Variants in SF3A2 observed in about 807,000 individuals in gnomAD.
The protein encoded by SF3A2 is splicing factor 3a subunit 2.
SF3A2 carries 5 observed loss-of-function variants against 31.1 expected under a neutral mutation model. That is an observed-to-expected ratio of 0.16 (90% CI 0.08 to 0.34). The LOEUF (loss-of-function observed/expected upper bound fraction) is 0.34, where lower values mean the gene tolerates loss of function less well. Ranked by LOEUF, SF3A2 falls within the 10% of genes least tolerant of loss-of-function variation. The pLI, the probability that SF3A2 is intolerant of heterozygous loss-of-function variation, is 1.00. For synonymous variants in SF3A2, 365 were observed against 263.7 expected, an observed-to-expected ratio of 1.38 and a Z score of -3.72; for missense variants, 577 against 643.9, an observed-to-expected ratio of 0.90 and a Z score of 1.13.
rs766847734 is a variant in SF3A2 at position 2,247,938 on chromosome 19, C to A, written c.787C>A (p.Pro263Thr). 1 of 1,495,924 alleles carries A rather than the reference C, an allele frequency of 6.7e-7. No individual in the cohort carries two copies. The highest frequency in any genetic ancestry group is 1.1e-5 in the South Asian group (1 of 87,644). The allele number at this position is 1,495,924 out of a possible 1,614,324, so 92.7% of individuals were successfully genotyped here. The change falls in exon 9 of 9, where the codon CCC becomes ACC. Residue 263 changes from proline (P) to threonine (T), a missense_variant. Around this residue, in one of 6 missense-constraint regions of SF3A2, gnomAD observed 462 missense variants for 339.1 expected, o/e 1.36. Transcript: ENST00000221494. ...CCCGCCAGGAGGCCTGCCTCTGCCA[C>A]CCATGCCCCCCACAGGGCCTGCGCC... ...PPPPGGLPLP[P>T]MPPTGPAPSG... is the part of the protein sequence containing the mutation.
At chr19:2,244,430 C>A in intron 2 of SF3A2, 114 bp from the exon 3 acceptor site, 2 of 800,690 alleles carry the variant, frequency 2.5e-6, no homozygotes, top group South Asian at 1.5e-5. Context: ...CATGCCTCTA[C>A]AGAAGGGGGG....
chr19:2,240,996 G>T (rs182325298), intron 1 of SF3A2, among the ~76,000 whole-genome samples: 1 of 152,276 alleles, frequency 6.6e-6, no homozygotes, highest in East Asian at 1.9e-4. Context: ...AGAAGCTGCC[G>T]GCCATGAGGA....
At position 2,243,541 on chromosome 19, in the gene SF3A2, C is replaced by G; in HGVS notation, c.123C>G (p.Asn41Lys). ...RQLALETIDI[N>K]KDPYFMKNHL... ...TGGCCCTGGAGACCATCGACATCAA[C>G]AAGGTGGGCCAGCCACCGTGCAGCT... Residue 41 changes from asparagine (N) to lysine (K), a missense_variant, in exon 2 of 9, where the codon AAC becomes AAG. Physicochemically the swap from Asn to Lys is moderately conservative, Grantham distance 94 (BLOSUM62 0). This residue lies in a region of SF3A2 where 17 missense variants were observed against 113.8 expected (regional missense o/e 0.15). Transcript: ENST00000221494. 1.3e-6 allele frequency: 2 copies of G among 1,544,538 alleles called. No homozygotes were observed. Among genetic ancestry groups the G allele is most frequent in the Non-Finnish European group, 1.7e-6 (2 of 1,153,688 alleles).
chr19:2,239,970 C>T (rs928808775), intron 1 of SF3A2, among the ~76,000 whole-genome samples: 21 of 152,164 alleles, frequency 1.4e-4, no homozygotes, highest in South Asian at 2.1e-4. Context: ...CTGGGATACC[C>T]ATCAGTCTCT....
Position 2,247,587 on chromosome 19 carries a change from C to G in SF3A2, c.547-7C>G, listed in dbSNP as rs1269859328. ...CCAGGAGCCCTCTCTGTCCCCCGCCCTCCCAGGTGCCGAGCAGAGAGATCG... is the reference window on the plus strand; with the variant it reads ...CCAGGAGCCCTCTCTGTCCCCCGCCGTCCCAGGTGCCGAGCAGAGAGATCG... On this transcript the variant is annotated splice_region_variant and splice_polypyrimidine_tract_variant and intron_variant, in intron 7 of 8. Transcript: ENST00000221494. 1.2e-6 allele frequency: 2 copies of G among 1,613,060 alleles called. No individual in the cohort carries two copies. The highest frequency in any genetic ancestry group is 2.7e-5 in the African/African-American group (2 of 74,878).
chr19:2,247,458 C>G (rs948140541), intron 7 of SF3A2, 136 bp from the exon 8 acceptor site: 1 of 804,622 alleles, frequency 1.2e-6, no homozygotes, highest in African/African-American at 1.7e-5. Flanking sequence ...CTGTGCCCCA[C>G]GAAAGTCTTA....
chr19:2,245,316 C>T lies in SF3A2; in HGVS notation c.246-130C>T. ...CTCAGCCAAACCCCAGGGCCCCTCC[C>T]AGGCCCCTGGCCCTCCTCATCTCTC... is the stretch of plus-strand genomic sequence containing the variant. On this transcript the variant is annotated intron_variant, in intron 4 of 8. Transcript: ENST00000221494. The surrounding 1 kb of genome is among the most constrained non-coding windows in gnomAD (Gnocchi z 4.2). 1 of 660,532 alleles carries T rather than the reference C, an allele frequency of 1.5e-6. No homozygotes were observed. Among genetic ancestry groups the T allele is most frequent in the Admixed American group, 2.8e-5 (1 of 35,382 alleles). 40.9% of individuals were successfully genotyped at this position (660,532 alleles called of 1,614,324 possible). A position where few individuals can be genotyped will look rare whatever the true frequency, so the allele number is the denominator to read the frequency against.
chr19:2,247,749 C>T lies in SF3A2; in HGVS notation c.616-18C>T, dbSNP rs775210441. ...CTAGCCCCACCCGTGCCTGCTGAAC[C>T]TTTCTCCGTCTCTCTAGTTCTTCCT... On this transcript the variant is annotated intron_variant, in intron 8 of 8. Coordinates refer to ENST00000221494, the MANE Select transcript of SF3A2 (RefSeq NM_007165.5). 5 of 1,612,032 alleles carry T rather than the reference C, an allele frequency of 3.1e-6. No individual in the cohort carries two copies. Among genetic ancestry groups the T allele is most frequent in the Admixed American group, 3.3e-5 (2 of 59,948 alleles).
intron 1 of SF3A2, among the ~76,000 whole-genome samples, chr19:2,243,112 T>G (rs2145010860): frequency 6.6e-6 from 1 of 152,304 alleles, no homozygotes; most frequent in South Asian, 2.1e-4. Flanking sequence ...CACCCTGGGC[T>G]GGAGCGGCTT....
At chr19:2,238,022 G>C (rs1000622553) in intron 1 of SF3A2, 1 of 152,282 alleles carries the variant, frequency 6.6e-6, no homozygotes, top group South Asian at 2.1e-4. Flanking sequence ...GTCGTCATCG[G>C]TTTTTTGTTT....
chr19:2,240,474 G>A (rs942661624), intron 1 of SF3A2, among the ~76,000 whole-genome samples: 1 of 152,346 alleles, frequency 6.6e-6, no homozygotes, highest in South Asian at 2.1e-4. Context: ...GTGGGTGTTC[G>A]GTGGCTGCGA....
chr19:2,248,626 T>G lies in SF3A2; in HGVS notation c.*80T>G. 2 of 386,852 alleles carry G rather than the reference T, an allele frequency of 5.2e-6. No individual in the cohort carries two copies. Among genetic ancestry groups the G allele is most frequent in the East Asian group, 4.2e-5 (1 of 23,920 alleles). 24.0% of individuals were successfully genotyped at this position (386,852 alleles called of 1,614,324 possible). A position where few individuals can be genotyped will look rare whatever the true frequency, so the allele number is the denominator to read the frequency against. ...CTGAGAGAAGGCTGCTCTTTTGTAC[T>G]GCCCCCCGCTCATTAAACAGCCTCC... On this transcript the variant is annotated 3_prime_UTR_variant, in exon 9 of 9. Coordinates refer to ENST00000221494, the MANE Select transcript of SF3A2 (RefSeq NM_007165.5).
chr19:2,243,491 G>T lies in SF3A2; in HGVS notation c.73G>T (p.Asp25Tyr). ...GVASSSESNR[D>Y]RRERLRQLAL... ...GGCCTCCTCCTCCGAGAGCAACCGT[G>T]ACCGCAGGGAGCGCCTCCGGCAGCT... The change falls in exon 2 of 9, where the codon GAC (aspartate) becomes TAC (tyrosine). Residue 25 changes from aspartate (D) to tyrosine (Y), a missense_variant. By Grantham distance (160) the Asp-to-Tyr change is radical. Coordinates refer to ENST00000221494, the MANE Select transcript of SF3A2 (RefSeq NM_007165.5). 1 of 1,551,044 alleles carries T rather than the reference G, an allele frequency of 6.4e-7. No homozygotes were observed. Among genetic ancestry groups the T allele is most frequent in the South Asian group, 1.2e-5 (1 of 82,778 alleles).
Position 2,245,598 on chromosome 19 carries a change from A to G in SF3A2, c.355+43A>G. 1.4e-6 allele frequency: 2 copies of G among 1,387,144 alleles called. No individual in the cohort carries two copies. Among genetic ancestry groups the G allele is most frequent in the Non-Finnish European group, 2.0e-6 (2 of 997,646 alleles). 85.9% of individuals were successfully genotyped at this position (1,387,144 alleles called of 1,614,324 possible). A position where few individuals can be genotyped will look rare whatever the true frequency, so the allele number is the denominator to read the frequency against. On this transcript the variant is annotated intron_variant, in intron 5 of 8. Transcript: ENST00000221494. This position sits in a 1 kb window ranked among gnomAD's most constrained non-coding sequence, Gnocchi z 4.2. The stretch of plus-strand genomic sequence containing the variant: ...GGGGCCGGCCACAGCCGCTGCCGTG[A>G]CATAAGTGTGTTCTTTAGTCTCCAG...
At position 2,248,511 on chromosome 19, in the gene SF3A2, C is replaced by T. The variant is rs758652966; in HGVS notation, c.1360C>T (p.Pro454Ser). ...MLRPPLPSEG[P>S]GNIPPPPPTN The stretch of plus-strand genomic sequence containing the variant: ...GAGGCCCCCACTTCCCTCCGAAGGC[C>T]CAGGGAACATACCTCCCCCTCCCCC... The change falls in exon 9 of 9, where the codon CCA becomes TCA. Residue 454 changes from proline (P) to serine (S), a missense_variant. By Grantham distance (74) the Pro-to-Ser change is moderately conservative. Coordinates refer to ENST00000221494, the MANE Select transcript of SF3A2 (RefSeq NM_007165.5). 1.7e-6 allele frequency: 2 copies of T among 1,204,790 alleles called. No homozygotes were observed. The highest frequency in any genetic ancestry group is 2.2e-6 in the Non-Finnish European group (2 of 923,394). The allele number at this position is 1,204,790 out of a possible 1,614,324, so 74.6% of individuals were successfully genotyped here.
chr19:2,247,191 C>A, intron 7 of SF3A2, 169 bp downstream of exon 7: 1 of 589,122 alleles, frequency 1.7e-6, no homozygotes. Context: ...TCCCATTGGG[C>A]TCTGCAGGAG....
At position 2,242,811 on chromosome 19, in the gene SF3A2, C is replaced by T. The variant is rs527956849; in HGVS notation, c.-37-571C>T. ...GTTGGGGACTCAGCAGAGCCCCCTG[C>T]GCCACAAGCAGATGTGGCAGATCTC... is the stretch of plus-strand genomic sequence containing the variant. On this transcript the variant is annotated intron_variant, in intron 1 of 8. Transcript: ENST00000221494. Among the ~76,000 whole-genome samples the T allele has an allele frequency of 1.6e-4, 24 of 152,212 alleles. 1 individual carries two copies. The highest frequency in any genetic ancestry group is 4.3e-4 in the African/African-American group (18 of 41,516).
At chr19:2,247,515 T>A in intron 7 of SF3A2, 79 bp from the exon 8 acceptor site, 1 of 1,444,818 alleles carries the variant, frequency 6.9e-7, no homozygotes, top group African/African-American at 1.4e-5. Context: ...CTGGGGAGGC[T>A]AGTGCCTCGG....
chr19:2,244,750 T>C lies in SF3A2; in HGVS notation c.216T>C (p.His72=), dbSNP rs745323669. The C allele has an allele frequency of 1.2e-6, 2 of 1,613,996 alleles. No individual in the cohort carries two copies. The highest frequency in any genetic ancestry group is 1.1e-5 in the South Asian group (1 of 91,076). The change falls in exon 4 of 9, where the codon CAT becomes CAC. Residue 72 remains histidine, a synonymous_variant. Coordinates refer to ENST00000221494, the MANE Select transcript of SF3A2 (RefSeq NM_007165.5). Reference sequence around the variant, plus strand: ...CACTCCAGGGGAGCTACCTGGCACATACGCAGGGGAAGAAGCACCAGACCA... The same window carrying C: ...CACTCCAGGGGAGCTACCTGGCACACACGCAGGGGAAGAAGCACCAGACCA... ...LHNNEGSYLA[H]TQGKKHQTNL...
Sources: gnomAD v4.1 joint callset for allele counts (sites outside exome capture counted in the v4.1 genomes callset) on GRCh38, gnomAD v4.1.1 for gene constraint, gnomAD v4.1.1 regional missense constraint, Gnocchi (gnomAD v3.1) non-coding constraint, MANE v1.5 for transcripts, NCBI Gene and HGNC (gene_info 2026-07-23, HGNC 2026-07-21) for gene names.